Variants in FANK1 observed in about 807,000 individuals in gnomAD.
FANK1 encodes the protein fibronectin type 3 and ankyrin repeat domains protein 1.
A neutral mutation model predicts 45.3 loss-of-function variants in FANK1; 44 were observed. That is an observed-to-expected ratio of 0.97 (90% CI 0.76 to 1.25). The LOEUF (loss-of-function observed/expected upper bound fraction) is 1.25. Ranked by LOEUF, FANK1 falls within the 50% of genes most tolerant of loss-of-function variation. The probability of loss-of-function intolerance (pLI) is 0.00; values close to 1 mark genes in which losing one functional copy is unlikely to be tolerated. For missense variants in FANK1, 391 were observed against 424.4 expected, an observed-to-expected ratio of 0.92 and a Z score of 0.69; for synonymous variants, 149 against 152.5, an observed-to-expected ratio of 0.98 and a Z score of 0.17.
intron 1 of FANK1, among the ~76,000 whole-genome samples, chr10:125,940,335 A>AGG (rs1346737906): frequency 6.6e-6 from 1 of 152,174 alleles, no homozygotes; most frequent in African/African-American, 2.4e-5. Context: ...GAAAGCAAGA[A>AGG]AACATGTGAC....
intron 1 of FANK1, among the ~76,000 whole-genome samples, chr10:125,970,547 C>G (rs1324249690): frequency 1.3e-5 from 2 of 152,224 alleles, no homozygotes; most frequent in East Asian, 3.9e-4. Flanking sequence ...GTGAGCGAGA[C>G]TCCGTCTGCA....
intron 1 of FANK1, among the ~76,000 whole-genome samples, chr10:125,942,813 CTT>C (rs772933009): frequency 1.1e-4 from 14 of 126,814 alleles, no homozygotes; most frequent in Admixed American, 1.6e-4. Flanking sequence ...TTATAATTTG[CTT>C]TTTTTTTTTT....
At chr10:125,971,463 C>G (rs1467471519) in intron 1 of FANK1, among the ~76,000 whole-genome samples, 2 of 151,758 alleles carry the variant, frequency 1.3e-5, no homozygotes, top group African/African-American at 4.8e-5. Flanking sequence ...CTACTTTATT[C>G]AAACAATTAC....
chr10:125,931,130 G>A (rs772308807), intron 1 of FANK1, among the ~76,000 whole-genome samples: 6 of 152,136 alleles, frequency 3.9e-5, no homozygotes, highest in Non-Finnish European at 8.8e-5. Flanking sequence ...TGGGCATTTG[G>A]GTTGGTTCCA....
chr10:125,950,552 CA>C (rs1386517514), intron 1 of FANK1, among the ~76,000 whole-genome samples: 1 of 152,110 alleles, frequency 6.6e-6, no homozygotes, highest in Admixed American at 6.6e-5. Context: ...AAATGCAAAT[CA>C]AAACCACAAT....
At chr10:126,007,630 T>TTGTG (rs71486568) in intron 7 of FANK1, among the ~76,000 whole-genome samples, 12 of 151,950 alleles carry the variant, frequency 7.9e-5, no homozygotes, top group Non-Finnish European at 4.4e-5. Flanking sequence ...CTGTAACAGA[T>TTGTG]TGTGTGTGTG....
intron 6 of FANK1, among the ~76,000 whole-genome samples, chr10:125,999,198 CTT>C (rs34338283): frequency 0.35 from 43,191 of 124,250 alleles, 6,818 homozygotes; most frequent in South Asian, 0.43. Context: ...TAAAAAGTAT[CTT>C]TTTTTTTTTT....
intron 2 of FANK1, among the ~76,000 whole-genome samples, chr10:125,981,407 G>C (rs1951203293): frequency 6.6e-6 from 1 of 151,340 alleles, no homozygotes; most frequent in South Asian, 2.1e-4. Context: ...TGAGGTGGGA[G>C]GATCACTTGA....
chr10:125,937,375 A>G (rs1019900614), intron 1 of FANK1, among the ~76,000 whole-genome samples: 6 of 152,196 alleles, frequency 3.9e-5, no homozygotes, highest in African/African-American at 1.2e-4. Flanking sequence ...AGTACCTGTG[A>G]AAGCTGTTTG....
intron 1 of FANK1, among the ~76,000 whole-genome samples, chr10:125,909,325 C>T (rs1945798748): frequency 6.6e-6 from 1 of 152,104 alleles, no homozygotes; most frequent in Non-Finnish European, 1.5e-5. Flanking sequence ...GGCTGGCTGC[C>T]ACAGAGATTA....
chr10:125,976,114 T>C (rs928487410), intron 1 of FANK1, among the ~76,000 whole-genome samples: 2 of 143,622 alleles, frequency 1.4e-5, no homozygotes, highest in Non-Finnish European at 3.1e-5. Context: ...AATTATTGGT[T>C]GAAGATTTTT....
At chr10:125,994,771 T>C (rs1406836379) in intron 3 of FANK1, 1 of 985,294 alleles carries the variant, frequency 1.0e-6, no homozygotes, top group African/African-American at 1.7e-5. Flanking sequence ...GTGGAGCTGA[T>C]GTCCCCTGTA....
chr10:125,950,918 A>T (rs1403223561), intron 1 of FANK1, among the ~76,000 whole-genome samples: 12 of 151,240 alleles, frequency 7.9e-5, no homozygotes, highest in Non-Finnish European at 1.8e-4. Flanking sequence ...CAGCCATAAA[A>T]AATGATGAGT....
At chr10:125,990,028 T>G (rs1260434100) in intron 3 of FANK1, among the ~76,000 whole-genome samples, 1 of 152,278 alleles carries the variant, frequency 6.6e-6, no homozygotes, top group East Asian at 1.9e-4. Flanking sequence ...CTCACTTCAT[T>G]GCTGTGCTCA....
At chr10:126,006,808 C>T (rs1953249744) in intron 7 of FANK1, among the ~76,000 whole-genome samples, 1 of 152,116 alleles carries the variant, frequency 6.6e-6, no homozygotes, top group Non-Finnish European at 1.5e-5. Flanking sequence ...TGCAGTGAGC[C>T]AAGATTGTGC....
intron 6 of FANK1, among the ~76,000 whole-genome samples, chr10:125,999,344 C>T (rs984260872): frequency 6.6e-6 from 1 of 151,846 alleles, no homozygotes; most frequent in Non-Finnish European, 1.5e-5. Flanking sequence ...GAACTATAGG[C>T]GCCCACCACC....
intron 1 of FANK1, among the ~76,000 whole-genome samples, chr10:125,974,714 A>G (rs930720211): frequency 2.6e-5 from 4 of 152,252 alleles, no homozygotes; most frequent in African/African-American, 7.2e-5. Context: ...CAAAGGGTGT[A>G]TAATGTTCCA....
chr10:125,961,039 A>G (rs990609648), intron 1 of FANK1, among the ~76,000 whole-genome samples: 6 of 152,360 alleles, frequency 3.9e-5, no homozygotes, highest in Admixed American at 2.0e-4. Context: ...AAAAACAGAC[A>G]CATAGACTAA....
chr10:125,939,002 A>G (rs1464961353), intron 1 of FANK1, among the ~76,000 whole-genome samples: 1 of 152,172 alleles, frequency 6.6e-6, no homozygotes. Context: ...ATAATGAAAC[A>G]CACCAACATC....
Sources: gnomAD v4.1 joint callset for allele counts (sites outside exome capture counted in the v4.1 genomes callset) on GRCh38, gnomAD v4.1.1 for gene constraint, MANE v1.5 for transcripts, NCBI Gene and HGNC (gene_info 2026-07-23, HGNC 2026-07-21) for gene names.